ADCY2: variants seen among roughly 807,000 people sequenced by gnomAD.
ADCY2 encodes the protein adenylate cyclase 2.
Under a neutral mutation model 125.2 loss-of-function variants are expected in ADCY2, and 31 were observed. The ratio of observed to expected loss-of-function variants is 0.25; its 90% CI spans 0.19 to 0.33. ADCY2 has a LOEUF of 0.33. Among genes scored for constraint, ADCY2 ranks in the 10% least tolerant of loss-of-function variants. ADCY2 has a pLI of 1.00. For synonymous variants in ADCY2, 512 were observed against 548.4 expected, an observed-to-expected ratio of 0.93 and a Z score of 0.93; for missense variants, 904 against 1,418.2, an observed-to-expected ratio of 0.64 and a Z score of 5.82.
At chr5:7,759,115 A>G (rs1743110025) in intron 16 of ADCY2, among the ~76,000 whole-genome samples, 1 of 152,174 alleles carries the variant, frequency 6.6e-6, no homozygotes, top group African/African-American at 2.4e-5. Flanking sequence ...AGGGGCCTTC[A>G]GAGAGAAGCT....
Position 7,802,077 on chromosome 5 carries a change from C to A in ADCY2, c.2629-141C>A. 1 of 884,242 alleles carries A rather than the reference C, an allele frequency of 1.1e-6. No individual in the cohort carries two copies. Among genetic ancestry groups the A allele is most frequent in the Non-Finnish European group, 1.7e-6 (1 of 588,086 alleles). The allele number at this position is 884,242 out of a possible 1,614,324, so 54.8% of individuals were successfully genotyped here. On this transcript the variant is annotated intron_variant, in intron 20 of 24. Coordinates refer to ENST00000338316, the MANE Select transcript of ADCY2 (RefSeq NM_020546.3). The surrounding 1 kb of genome is among the most constrained non-coding windows in gnomAD (Gnocchi z 4.6). ...AGCAGCGGCAGCATCTGGATTGGGC[C>A]GCGGCTGGGGTGGGGCAAGTGGAGT...
At chr5:7,682,545 G>T (rs908748301) in intron 4 of ADCY2, among the ~76,000 whole-genome samples, 1 of 152,194 alleles carries the variant, frequency 6.6e-6, no homozygotes, top group Admixed American at 6.5e-5. Context: ...TGTGGGAGGA[G>T]CCTGTCATCC....
At chr5:7,580,715 T>C (rs1405235545) in intron 3 of ADCY2, among the ~76,000 whole-genome samples, 4 of 152,080 alleles carry the variant, frequency 2.6e-5, no homozygotes, top group African/African-American at 7.2e-5. Context: ...AAAATAAAAA[T>C]ACAGATTCAA....
chr5:7,529,555 A>C (rs889264478), intron 3 of ADCY2, among the ~76,000 whole-genome samples: 2 of 152,152 alleles, frequency 1.3e-5, no homozygotes, highest in Non-Finnish European at 2.9e-5. Context: ...CTGGACATGG[A>C]AGCGAATGTG....
intron 1 of ADCY2, among the ~76,000 whole-genome samples, chr5:7,405,301 C>CT (rs1197897936): frequency 1.3e-5 from 2 of 149,436 alleles, no homozygotes; most frequent in Admixed American, 6.8e-5. Context: ...ATTTGAACTA[C>CT]TCTTTTTTTT....
intron 7 of ADCY2, among the ~76,000 whole-genome samples, chr5:7,699,544 G>A (rs1034444842): frequency 4.6e-5 from 7 of 152,118 alleles, no homozygotes; most frequent in Non-Finnish European, 1.0e-4. Context: ...TGTGAGTAAT[G>A]CAATGGAAAG....
At chr5:7,569,687 T>C (rs1025243194) in intron 3 of ADCY2, among the ~76,000 whole-genome samples, 2 of 152,144 alleles carry the variant, frequency 1.3e-5, no homozygotes, top group Non-Finnish European at 2.9e-5. Flanking sequence ...ATCATTCCTC[T>C]GAACTGTGGC....
chr5:7,675,437 G>A (rs1018510034), intron 4 of ADCY2, among the ~76,000 whole-genome samples: 10 of 152,180 alleles, frequency 6.6e-5, no homozygotes, highest in Non-Finnish European at 1.3e-4. Flanking sequence ...GATGACCAAT[G>A]TAAGTGAAAG....
At chr5:7,745,865 ACTCT>A (rs1742601604) in intron 15 of ADCY2, among the ~76,000 whole-genome samples, 1 of 151,942 alleles carries the variant, frequency 6.6e-6, no homozygotes, top group Non-Finnish European at 1.5e-5. Context: ...TTTTCATTCT[ACTCT>A]CTAAGTTGTT....
chr5:7,519,513 C>T (rs917526264), intron 2 of ADCY2, among the ~76,000 whole-genome samples: 4 of 152,218 alleles, frequency 2.6e-5, no homozygotes, highest in African/African-American at 9.6e-5. Flanking sequence ...ACCTCAGTCC[C>T]TTCCAACTGG....
intron 3 of ADCY2, among the ~76,000 whole-genome samples, chr5:7,543,767 A>C (rs1379586713): frequency 6.6e-6 from 1 of 152,060 alleles, no homozygotes; most frequent in Non-Finnish European, 1.5e-5. Flanking sequence ...TAATCCCAGC[A>C]CTTTGGGAGG....
At chr5:7,429,969 A>G (rs1302588265) in intron 2 of ADCY2, among the ~76,000 whole-genome samples, 2 of 152,194 alleles carry the variant, frequency 1.3e-5, no homozygotes, top group African/African-American at 2.4e-5. Context: ...CTCTAGCAAG[A>G]CTGATTGGGA....
intron 15 of ADCY2, among the ~76,000 whole-genome samples, chr5:7,751,793 C>T (rs1237622349): frequency 3.3e-5 from 5 of 152,024 alleles, no homozygotes; most frequent in African/African-American, 1.2e-4. Context: ...AAAAGCTCAC[C>T]CCCTAAGTGC....
intron 3 of ADCY2, among the ~76,000 whole-genome samples, chr5:7,527,952 C>G (rs1734527879): frequency 6.6e-6 from 1 of 152,188 alleles, no homozygotes; most frequent in Non-Finnish European, 1.5e-5. Context: ...GATCTCTGTT[C>G]TGACTGTTTG....
chr5:7,823,144 G>GA (rs1270600624), intron 24 of ADCY2, among the ~76,000 whole-genome samples: 1 of 152,184 alleles, frequency 6.6e-6, no homozygotes, highest in Non-Finnish European at 1.5e-5. Flanking sequence ...TGGAATGGAG[G>GA]AAACATTACT....
intron 3 of ADCY2, among the ~76,000 whole-genome samples, chr5:7,576,382 G>T (rs1486581091): frequency 6.6e-6 from 1 of 152,220 alleles, no homozygotes; most frequent in Non-Finnish European, 1.5e-5. Flanking sequence ...GATGGAAAAT[G>T]CTTCCCATTC....
intron 3 of ADCY2, among the ~76,000 whole-genome samples, chr5:7,606,055 A>G (rs1439623551): frequency 6.7e-6 from 1 of 149,816 alleles, no homozygotes; most frequent in Non-Finnish European, 1.5e-5. Flanking sequence ...CTTTTTCTGC[A>G]TCTATTGAGA....
chr5:7,743,105 G>A (rs1476261573), intron 14 of ADCY2, among the ~76,000 whole-genome samples: 1 of 152,146 alleles, frequency 6.6e-6, no homozygotes. Flanking sequence ...ATGATCATGG[G>A]ATGCTTTTGA....
At chr5:7,519,440 C>A (rs550857131) in intron 2 of ADCY2, among the ~76,000 whole-genome samples, 1 of 152,280 alleles carries the variant, frequency 6.6e-6, no homozygotes, top group East Asian at 1.9e-4. Flanking sequence ...CTTAGCTTCC[C>A]TTCTGCTTGG....
Sources: gnomAD v4.1 joint callset for allele counts (sites outside exome capture counted in the v4.1 genomes callset) on GRCh38, gnomAD v4.1.1 for gene constraint, Gnocchi (gnomAD v3.1) non-coding constraint, MANE v1.5 for transcripts, NCBI Gene and HGNC (gene_info 2026-07-23, HGNC 2026-07-21) for gene names.